Variants in LGSN observed in about 807,000 individuals in gnomAD.
LGSN encodes the protein lengsin.
In LGSN, 21 loss-of-function variants were observed where a neutral mutation model predicts 19.5. The observed-to-expected ratio is 1.07, with a 90% CI of 0.76 to 1.55. The LOEUF (loss-of-function observed/expected upper bound fraction) is 1.55, where lower values mean the gene tolerates loss of function less well. Ranked by LOEUF, LGSN falls within the 40% of genes most tolerant of loss-of-function variation. LGSN has a pLI of 0.00. For synonymous variants in LGSN, 257 were observed against 215.6 expected, an observed-to-expected ratio of 1.19 and a Z score of -1.68; for missense variants, 673 against 608.5, an observed-to-expected ratio of 1.11 and a Z score of -1.12.
chr6:63,517,015 GAT>G, the LGSN span, among the ~76,000 whole-genome samples: 2 of 152,018 alleles, frequency 1.3e-5, no homozygotes, highest in Non-Finnish European at 2.9e-5. Context: ...ATTGTTTTGG[GAT>G]ATTTATTTCT....
At chr6:63,449,410 T>C in the LGSN span, among the ~76,000 whole-genome samples, 9 of 151,238 alleles carry the variant, frequency 6.0e-5, no homozygotes, top group Non-Finnish European at 1.3e-4. Context: ...CCGGGCGTGG[T>C]GGTGGGTGCC....
chr6:63,468,403 C>T, the LGSN span, among the ~76,000 whole-genome samples: 9 of 152,058 alleles, frequency 5.9e-5, no homozygotes, highest in African/African-American at 1.9e-4. Flanking sequence ...GCTGGGATTA[C>T]AGGCATGAGC....
At chr6:63,288,273 T>A (rs528530655) in intron 2 of LGSN, among the ~76,000 whole-genome samples, 58 of 134,340 alleles carry the variant, frequency 4.3e-4, no homozygotes, top group South Asian at 2.1e-3. Context: ...AAATAAATAA[T>A]AATAATATTC....
At chr6:63,439,997 T>G in the LGSN span, among the ~76,000 whole-genome samples, 1 of 152,244 alleles carries the variant, frequency 6.6e-6, no homozygotes, top group Non-Finnish European at 1.5e-5. Flanking sequence ...CAAAAAATAT[T>G]TATTGTCTAC....
At chr6:63,376,282 C>T in the LGSN span, among the ~76,000 whole-genome samples, 4 of 152,318 alleles carry the variant, frequency 2.6e-5, no homozygotes, top group East Asian at 1.9e-4. Context: ...GAACACAGAA[C>T]GTTTCTGAAG....
At chr6:63,322,707 T>C (rs184082813), upstream of LGSN, among the ~76,000 whole-genome samples, 167 of 152,330 alleles carry the variant, frequency 1.1e-3, 1 homozygote, top group African/African-American at 3.7e-3. Flanking sequence ...AGTCCCCATT[T>C]CTTTTCAGTT....
At chr6:63,304,689 T>C (rs999593927) in intron 1 of LGSN, among the ~76,000 whole-genome samples, 5 of 152,210 alleles carry the variant, frequency 3.3e-5, no homozygotes, top group Non-Finnish European at 7.3e-5. Context: ...GGTATGCTCC[T>C]GCCAGTCACT....
intron 1 of LGSN, among the ~76,000 whole-genome samples, chr6:63,305,393 G>T (rs1768342836): frequency 6.6e-6 from 1 of 152,090 alleles, no homozygotes; most frequent in African/African-American, 2.4e-5. Flanking sequence ...AATCTTAAGA[G>T]GTTGACCCAA....
intron 1 of LGSN, among the ~76,000 whole-genome samples, chr6:63,297,634 G>C (rs1768027941): frequency 6.6e-6 from 1 of 152,114 alleles, no homozygotes; most frequent in Non-Finnish European, 1.5e-5. Flanking sequence ...CAATGTGAAT[G>C]ATGCTTCAGT....
the LGSN span, among the ~76,000 whole-genome samples, chr6:63,497,301 C>G: frequency 1.3e-5 from 2 of 152,118 alleles, no homozygotes; most frequent in Admixed American, 1.3e-4. Flanking sequence ...GTAATCCCTG[C>G]ACTTTGGGAG....
the LGSN span, among the ~76,000 whole-genome samples, chr6:63,428,796 C>A: frequency 6.6e-6 from 1 of 152,206 alleles, no homozygotes; most frequent in Non-Finnish European, 1.5e-5. Flanking sequence ...CTCAAAGATT[C>A]ATGGCTCATA....
At chr6:63,472,364 T>C in the LGSN span, among the ~76,000 whole-genome samples, 21 of 152,182 alleles carry the variant, frequency 1.4e-4, no homozygotes, top group Admixed American at 3.3e-4. Flanking sequence ...GATAAATAAA[T>C]AAATGAAGAT....
At chr6:63,465,026 C>CA in the LGSN span, among the ~76,000 whole-genome samples, 61,885 of 123,426 alleles carry the variant, frequency 0.5, 15,677 homozygotes, top group East Asian at 0.63. Context: ...GATTCTGTCT[C>CA]AAAAAAAAAA....
the LGSN span, among the ~76,000 whole-genome samples, chr6:63,341,913 T>A: frequency 2.9e-3 from 448 of 152,302 alleles, 3 homozygotes; most frequent in African/African-American, 0.01. Context: ...TAGATGTGTG[T>A]CCTCTGTTCA....
At chr6:63,510,376 A>G in the LGSN span, among the ~76,000 whole-genome samples, 1 of 152,036 alleles carries the variant, frequency 6.6e-6, no homozygotes, top group Non-Finnish European at 1.5e-5. Context: ...AGGGAGAAGG[A>G]AAAAAAACAT....
the LGSN span, among the ~76,000 whole-genome samples, chr6:63,371,840 T>C: frequency 6.6e-6 from 1 of 152,130 alleles, no homozygotes; most frequent in Admixed American, 6.5e-5. Context: ...AGGCCCAGAG[T>C]AGTTTTGGTA....
At chr6:63,513,919 A>T in the LGSN span, among the ~76,000 whole-genome samples, 1 of 145,624 alleles carries the variant, frequency 6.9e-6, no homozygotes. Context: ...TCAAAAAAAA[A>T]AAAAAAAAAA....
chr6:63,345,210 T>C, the LGSN span, among the ~76,000 whole-genome samples: 1 of 152,116 alleles, frequency 6.6e-6, no homozygotes. Flanking sequence ...CAGAAATATA[T>C]GTTTTGGGTT....
At chr6:63,380,398 G>C in the LGSN span, among the ~76,000 whole-genome samples, 2 of 152,184 alleles carry the variant, frequency 1.3e-5, no homozygotes, top group Admixed American at 1.3e-4. Flanking sequence ...TGAGTCTGCA[G>C]ACGCATATCA....
Sources: allele counts gnomAD v4.1 joint callset (sites outside exome capture counted in the v4.1 genomes callset), GRCh38; gene constraint gnomAD v4.1.1; transcripts MANE v1.5; gene names NCBI Gene and HGNC (gene_info 2026-07-23, HGNC 2026-07-21).